The following LAMA4 variants were observed in gnomAD, a reference collection of about 807,000 sequenced individuals.
LAMA4 encodes laminin subunit alpha 4.
A neutral mutation model predicts 207.1 loss-of-function variants in LAMA4; 127 were observed. The observed-to-expected ratio is 0.61, with a 90% CI of 0.53 to 0.71. The LOEUF is 0.71. Ranked by LOEUF, LAMA4 falls within the 30% of genes least tolerant of loss-of-function variation. The pLI is 0.00. For synonymous variants in LAMA4, 761 were observed against 816.0 expected, an observed-to-expected ratio of 0.93 and a Z score of 1.15; for missense variants, 2,093 against 2,246.5, an observed-to-expected ratio of 0.93 and a Z score of 1.38.
At chr6:112,146,388 AGTGGTTCTTAAAGT>A (rs1780031436) in intron 18 of LAMA4, among the ~76,000 whole-genome samples, 1 of 152,148 alleles carries the variant, frequency 6.6e-6, no homozygotes, top group Non-Finnish European at 1.5e-5. Context: ...TTGACTGAAC[AGTGGTTCTTAAAGT>A]GTGGTTCCCA....
chr6:112,201,674 C>CTAT lies in LAMA4; in HGVS notation c.436_437insATA (p.Cys146delinsTyrSer). 1 of 1,613,836 alleles carries CTAT rather than the reference C, an allele frequency of 6.2e-7. No homozygotes were observed. Among genetic ancestry groups the CTAT allele is most frequent in the Non-Finnish European group, 8.5e-7 (1 of 1,179,802 alleles). ...CCGAACAGCTCCATTTTTCCTATAG[C>CTAT]AGGATTCTGCAAAACTAAAATTGGA... On this transcript the variant is annotated protein_altering_variant, in exon 5 of 39. Transcript: ENST00000230538.
rs372740224 is a variant in LAMA4, at chr6:112,142,197, C to G, written c.2589G>C (p.Leu863=). 4.3e-6 allele frequency: 7 copies of G among 1,614,152 alleles called. No individual in the cohort carries two copies. The South Asian group carries it at 7.7e-5, about 18-fold the overall frequency. The change falls in exon 20 of 39, where the codon CTG becomes CTC. Residue 863 remains leucine, a synonymous_variant. Coordinates refer to ENST00000230538, the MANE Select transcript of LAMA4 (RefSeq NM_001105206.3). ...GCCGCTTCACAGGGGGTTTCATGTACAGGCTCAGAGACGTGAAGGCCTTTA... is the reference window on the plus strand; with the variant it reads ...GCCGCTTCACAGGGGGTTTCATGTAGAGGCTCAGAGACGTGAAGGCCTTTA... ...DDLKAFTSLS[L]YMKPPVKRPE... is the part of the protein sequence containing the mutation.
intron 11 of LAMA4, 118 bp downstream of exon 11, chr6:112,175,195 T>C: frequency 1.0e-6 from 1 of 991,912 alleles, no homozygotes; most frequent in South Asian, 1.3e-5. Flanking sequence ...TTCTAAATAG[T>C]TCTGAACACT....
At chr6:112,186,900 C>T in intron 8 of LAMA4, 1 of 455,404 alleles carries the variant, frequency 2.2e-6, no homozygotes, top group South Asian at 1.6e-5. Flanking sequence ...AGGTATTAAC[C>T]AGTAGAGCTA....
chr6:112,186,568 C>T (rs556665639), intron 8 of LAMA4, among the ~76,000 whole-genome samples: 1 of 152,288 alleles, frequency 6.6e-6, no homozygotes, highest in South Asian at 2.1e-4. Context: ...GGTCCCAGGA[C>T]CCCGTGGGGA....
intron 5 of LAMA4, among the ~76,000 whole-genome samples, chr6:112,196,274 C>T (rs1468167894): frequency 2.0e-5 from 3 of 152,110 alleles, no homozygotes; most frequent in Non-Finnish European, 4.4e-5. Flanking sequence ...AATTATTTCT[C>T]CCATCTAGCT....
intron 18 of LAMA4, among the ~76,000 whole-genome samples, 174 bp downstream of exon 18, chr6:112,147,983 G>A (rs1268527231): frequency 1.3e-5 from 2 of 152,120 alleles, no homozygotes; most frequent in Admixed American, 6.5e-5. Flanking sequence ...TATTTAGACA[G>A]GTATAGATAG....
chr6:112,182,450 T>A (rs548704271), intron 9 of LAMA4, among the ~76,000 whole-genome samples: 60 of 152,368 alleles, frequency 3.9e-4, no homozygotes, highest in Admixed American at 1.9e-3. Flanking sequence ...CAAATATTTT[T>A]AAGCCATGAT....
In LAMA4 at chr6:112,134,534, C is replaced by G; in HGVS notation, c.3490G>C (p.Glu1164Gln). The G allele has an allele frequency of 6.2e-7, 1 of 1,611,852 alleles. No individual in the cohort carries two copies. Among genetic ancestry groups the G allele is most frequent in the South Asian group, 1.1e-5 (1 of 91,028 alleles). ...DRRHVKSMDN[E>Q]KMKIPFTDIY... ...TCTGTAAAAGGTATTTTCATCTTTT[C>G]ATTATCCATGCTCTTGACATGCCTT... The change falls in exon 26 of 39, where the codon GAA becomes CAA. Residue 1164 changes from glutamate to glutamine, a missense_variant. Transcript: ENST00000230538.
intron 13 of LAMA4, among the ~76,000 whole-genome samples, chr6:112,162,965 C>CTTTTTTTTTTTT (rs34824903): frequency 1.1e-5 from 1 of 91,248 alleles, no homozygotes; most frequent in Admixed American, 1.3e-4. Flanking sequence ...CAGCTCAAAT[C>CTTTTTTTTTTTT]TTTTTTTTTT....
chr6:112,199,749 T>A (rs1783625760), intron 5 of LAMA4, among the ~76,000 whole-genome samples: 1 of 150,002 alleles, frequency 6.7e-6, no homozygotes, highest in South Asian at 2.1e-4. Context: ...AAGATTTTTC[T>A]CTGTATCACA....
chr6:112,148,717 T>C lies in LAMA4; in HGVS notation c.2174-381A>G, dbSNP rs191347119. Among the ~76,000 whole-genome samples, 163 of 151,952 alleles carry C rather than the reference T, an allele frequency of 1.1e-3. 1 individual carries two copies. The highest frequency in any genetic ancestry group is 4.4e-3 in the East Asian group (23 of 5,174). On this transcript the variant is annotated intron_variant, in intron 17 of 38. Transcript: ENST00000230538. ...TCAATAAAGAAAGATATTTTTTTAA[T>C]AGAAAAAAAGCAAATTTCAAAGAGT...
intron 32 of LAMA4, 112 bp downstream of exon 32, chr6:112,121,902 A>C: frequency 1.1e-6 from 1 of 882,106 alleles, no homozygotes; most frequent in Non-Finnish European, 1.9e-6. Context: ...ATAACATAAT[A>C]GGATTAAGGT....
At chr6:112,244,970 T>C (rs1246518455) in intron 2 of LAMA4, among the ~76,000 whole-genome samples, 2 of 152,136 alleles carry the variant, frequency 1.3e-5, no homozygotes, top group Non-Finnish European at 2.9e-5. Context: ...AAAGGAACAA[T>C]ATAAAATGAG....
At chr6:112,237,049 A>G (rs1314253133) in intron 2 of LAMA4, 2 of 152,180 alleles carry the variant, frequency 1.3e-5, no homozygotes, top group Non-Finnish European at 2.9e-5. Flanking sequence ...TATCTGGTCT[A>G]CCCACTACCA....
At chr6:112,133,038 T>C (rs782062855) in intron 27 of LAMA4, 148 bp from the exon 28 acceptor site, 28 of 851,556 alleles carry the variant, frequency 3.3e-5, no homozygotes, top group Middle Eastern at 4.7e-4. Flanking sequence ...AATTCAGGCA[T>C]ACACTAGGAG....
intron 4 of LAMA4, among the ~76,000 whole-genome samples, chr6:112,202,926 T>A (rs77599427): frequency 0.017 from 2,631 of 152,268 alleles, 72 homozygotes; most frequent in African/African-American, 0.06. Context: ...GCTGGTGTCC[T>A]GCTGTTTCAA....
chr6:112,116,865 T>C (rs976495683), intron 35 of LAMA4, among the ~76,000 whole-genome samples: 1 of 152,148 alleles, frequency 6.6e-6, no homozygotes, highest in Non-Finnish European at 1.5e-5. Context: ...CTGAGAATTG[T>C]AAGTGTAGGT....
chr6:112,138,992 T>G (rs1400333030), intron 24 of LAMA4, 128 bp downstream of exon 24: 3 of 952,426 alleles, frequency 3.1e-6, no homozygotes, highest in Admixed American at 2.0e-5. Flanking sequence ...AAAATCCAAT[T>G]TGACTTTCTA....
Sources: gnomAD v4.1 joint callset for allele counts (sites outside exome capture counted in the v4.1 genomes callset) on GRCh38, gnomAD v4.1.1 for gene constraint, MANE v1.5 for transcripts, NCBI Gene and HGNC (gene_info 2026-07-23, HGNC 2026-07-21) for gene names.